FHIT: variants seen among roughly 807,000 people sequenced by gnomAD.
The protein encoded by FHIT is fragile histidine triad diadenosine triphosphatase.
A neutral mutation model predicts 17.9 loss-of-function variants in FHIT; 19 were observed. The observed-to-expected ratio is 1.06, with a 90% CI of 0.74 to 1.56. The LOEUF is 1.56. Among genes scored for constraint, FHIT ranks in the 40% most tolerant of loss-of-function variants. FHIT has a pLI of 0.00. For missense variants in FHIT, 248 were observed against 189.2 expected (o/e 1.31, Z -1.82); for synonymous variants, 81 against 69.7 (o/e 1.16, Z -0.81).
At chr3:60,779,041 A>T (rs1559715485) in intron 4 of FHIT, among the ~76,000 whole-genome samples, 1 of 152,202 alleles carries the variant, frequency 6.6e-6, no homozygotes, top group African/African-American at 2.4e-5. Context: ...CAGCTTTAAA[A>T]GGTCTTATCT....
intron 3 of FHIT, among the ~76,000 whole-genome samples, chr3:60,972,067 A>C (rs1350523854): frequency 6.6e-6 from 1 of 152,194 alleles, no homozygotes; most frequent in East Asian, 1.9e-4. Flanking sequence ...ACTGTCAATG[A>C]GTGCTTAAAT....
chr3:60,561,228 G>C (rs574107455), intron 4 of FHIT, among the ~76,000 whole-genome samples: 1 of 151,924 alleles, frequency 6.6e-6, no homozygotes, highest in African/African-American at 2.4e-5. Context: ...TAGACGCTAA[G>C]GTAGGACTGA....
intron 2 of FHIT, among the ~76,000 whole-genome samples, chr3:61,084,317 G>T (rs1257508803): frequency 1.3e-5 from 2 of 152,154 alleles, no homozygotes; most frequent in South Asian, 2.1e-4. Flanking sequence ...AGTAATTATT[G>T]TAGATTTATA....
chr3:60,994,191 G>A (rs1281763180), intron 3 of FHIT, among the ~76,000 whole-genome samples: 1 of 151,998 alleles, frequency 6.6e-6, no homozygotes, highest in African/African-American at 2.4e-5. Flanking sequence ...ATTTTTTTAA[G>A]TTATGTATGT....
chr3:60,814,452 T>C (rs963241263), intron 4 of FHIT, among the ~76,000 whole-genome samples: 1 of 152,162 alleles, frequency 6.6e-6, no homozygotes, highest in Non-Finnish European at 1.5e-5. Context: ...AGTGAGAACA[T>C]GTGGCATTTA....
intron 3 of FHIT, among the ~76,000 whole-genome samples, chr3:60,865,482 A>C (rs2107028813): frequency 6.6e-6 from 1 of 152,300 alleles, no homozygotes; most frequent in East Asian, 1.9e-4. Context: ...TGCCTAATAA[A>C]ATTCAGTTTA....
intron 4 of FHIT, among the ~76,000 whole-genome samples, chr3:60,691,451 C>T (rs953841935): frequency 6.6e-6 from 1 of 151,934 alleles, no homozygotes; most frequent in Admixed American, 6.6e-5. Flanking sequence ...TCACTGTAGC[C>T]TCCACCTCCC....
chr3:60,524,158 A>G (rs1454904398), intron 5 of FHIT, among the ~76,000 whole-genome samples: 1 of 151,750 alleles, frequency 6.6e-6, no homozygotes, highest in Non-Finnish European at 1.5e-5. Context: ...CCTGAGAATC[A>G]TCCCTGCCCT....
intron 5 of FHIT, among the ~76,000 whole-genome samples, chr3:60,019,352 C>G (rs1190661707): frequency 6.6e-6 from 1 of 151,426 alleles, no homozygotes; most frequent in African/African-American, 2.4e-5. Context: ...TTAACAGGGG[C>G]CCAAGGTATC....
intron 5 of FHIT, among the ~76,000 whole-genome samples, chr3:60,030,655 T>C (rs1051954804): frequency 6.6e-6 from 1 of 152,164 alleles, no homozygotes; most frequent in Non-Finnish European, 1.5e-5. Context: ...CTCAGCTGTA[T>C]TCTACCTGGA....
At position 59,986,739 on chromosome 3, in the gene FHIT, C is replaced by CATATAA. The variant is rs1708965229; in HGVS notation, c.279+24631_279+24632insTTATAT. Reference sequence around the variant, plus strand: ...ATACATATATTTATATAAATATATACATATATTTATATATATATAAATATA... The same window carrying CATATAA: ...ATACATATATTTATATAAATATATACATATAAATATATTTATATATATATAAATATA... On this transcript the variant is annotated intron_variant, in intron 7 of 9. Transcript: ENST00000492590. 2.5e-4 allele frequency among the ~76,000 whole-genome samples: 2 copies of CATATAA among 8,114 alleles called. 1 individual carries two copies. The highest frequency in any genetic ancestry group is 3.5e-4 in the Non-Finnish European group (2 of 5,698). The allele number at this position is 8,114 out of a possible 152,430, so 5.3% of individuals were successfully genotyped here.
chr3:59,968,194 C>A (rs1045583308), intron 7 of FHIT, among the ~76,000 whole-genome samples: 4 of 152,038 alleles, frequency 2.6e-5, no homozygotes, highest in African/African-American at 9.7e-5. Flanking sequence ...TTAGGCTGTA[C>A]CCACCATTGA....
At chr3:60,048,541 G>A (rs188273141) in intron 5 of FHIT, among the ~76,000 whole-genome samples, 9 of 152,250 alleles carry the variant, frequency 5.9e-5, no homozygotes, top group African/African-American at 2.2e-4. Context: ...GTGGGTTAGG[G>A]CTTCGGTGTG....
chr3:60,403,012 G>A (rs1013341126), intron 5 of FHIT, among the ~76,000 whole-genome samples: 1 of 152,134 alleles, frequency 6.6e-6, no homozygotes, highest in African/African-American at 2.4e-5. Flanking sequence ...TACCAATAGT[G>A]CAAAACAAAG....
At chr3:60,585,195 G>T (rs2037867700) in intron 4 of FHIT, among the ~76,000 whole-genome samples, 1 of 151,916 alleles carries the variant, frequency 6.6e-6, no homozygotes, top group South Asian at 2.1e-4. Context: ...AAGCTGAGTG[G>T]CCTATAACTA....
intron 5 of FHIT, among the ~76,000 whole-genome samples, chr3:60,329,684 G>A (rs759445711): frequency 6.6e-6 from 1 of 152,196 alleles, no homozygotes. Flanking sequence ...TTCTCAAAAA[G>A]ATCTCAAAGC....
chr3:60,263,002 A>G (rs73832563), intron 5 of FHIT, among the ~76,000 whole-genome samples: 1 of 152,150 alleles, frequency 6.6e-6, no homozygotes, highest in African/African-American at 2.4e-5. Flanking sequence ...AGAATAAAAA[A>G]TAACTAATAT....
chr3:60,401,376 G>A lies in FHIT; in HGVS notation c.103+135484C>T. Among the ~76,000 whole-genome samples, 2 of 152,126 alleles carry A rather than the reference G, an allele frequency of 1.3e-5. 1 individual carries two copies. The highest frequency in any genetic ancestry group is 2.9e-5 in the Non-Finnish European group (2 of 68,030). ...GAAGTTATTTCCTGTGTACCTGCCA[G>A]ACTCACTGATCCTCTGACTTACTGT... On this transcript the variant is annotated intron_variant, in intron 5 of 9. Transcript: ENST00000492590.
intron 4 of FHIT, among the ~76,000 whole-genome samples, chr3:60,738,043 G>T (rs950599654): frequency 6.6e-6 from 1 of 152,130 alleles, no homozygotes; most frequent in Admixed American, 6.5e-5. Flanking sequence ...TAGAGTACCT[G>T]TTAAGCTCGG....
Sources: gnomAD v4.1 joint callset for allele counts (sites outside exome capture counted in the v4.1 genomes callset) on GRCh38, gnomAD v4.1.1 for gene constraint, MANE v1.5 for transcripts, NCBI Gene and HGNC (gene_info 2026-07-23, HGNC 2026-07-21) for gene names.